The following TMEM187 variants were observed in gnomAD, a reference collection of about 807,000 sequenced individuals.
TMEM187 encodes transmembrane protein 187, also known as chromosome X open reading frame 12.
TMEM187 carries 14 observed loss-of-function variants against 11.8 expected under a neutral mutation model. The ratio of observed to expected loss-of-function variants is 1.18; its 90% CI spans 0.78 to 1.85. The LOEUF (loss-of-function observed/expected upper bound fraction) is 1.85, where lower values mean the gene tolerates loss of function less well. TMEM187 is among the 40% of genes most tolerant of loss of function. TMEM187 has a pLI of 0.00. For synonymous variants in TMEM187, 112 were observed against 118.5 expected, an observed-to-expected ratio of 0.95 and a Z score of 0.36; for missense variants, 227 against 243.9, an observed-to-expected ratio of 0.93 and a Z score of 0.46.
At position 153,982,367 on chromosome X, in the gene TMEM187, TGCGCCTGTGGACGCAGTGGC is replaced by T; in HGVS notation, c.308_327del (p.Arg103ProfsTer37). ...CTGCTCTATGGCCCCGTGCAGTGGC[TGCGCCTGTGGACGCAGTGGC>T]GCCGTGCCGCGGTGCTGGACCAGTG... On this transcript the variant is annotated frameshift_variant, in exon 2 of 2. Coordinates refer to ENST00000369982, the MANE Select transcript of TMEM187 (RefSeq NM_003492.3). LOFTEE classifies it high-confidence loss of function. 8 of 1,204,111 alleles carry T rather than the reference TGCGCCTGTGGACGCAGTGGC, an allele frequency of 6.6e-6. No individual in the cohort carries two copies. Among genetic ancestry groups the T allele is most frequent in the Non-Finnish European group, 9.0e-6 (8 of 893,600 alleles).
At chrX:153,973,451 C>T (rs1481776212) in intron 1 of TMEM187, among the ~76,000 whole-genome samples, 1 of 112,386 alleles carries the variant, frequency 8.9e-6, no homozygotes, top group African/African-American at 3.2e-5. Flanking sequence ...AGGCCTGATG[C>T]GTTGGCTCAT....
chrX:153,982,183 G>T lies in TMEM187; in HGVS notation c.121G>T (p.Ala41Ser). 1 of 1,212,418 alleles carries T rather than the reference G, an allele frequency of 8.2e-7. No homozygotes were observed. Among genetic ancestry groups the T allele is most frequent in the Non-Finnish European group, 1.1e-6 (1 of 895,671 alleles). The change falls in exon 2 of 2, where the codon GCC becomes TCC. Residue 41 changes from alanine (A) to serine (S), a missense_variant. Physicochemically the swap from Ala to Ser is moderately conservative, Grantham distance 99. Transcript: ENST00000369982. ...VSVQVGYEHY[A>S]EAPVAGLPAF... ...CGTGCAAGTGGGCTATGAGCACTAC[G>T]CCGAGGCGCCCGTGGCCGGCCTCCC...
chrX:153,981,398 T>C (rs918590342), intron 1 of TMEM187, among the ~76,000 whole-genome samples: 3 of 111,642 alleles, frequency 2.7e-5, no homozygotes, highest in East Asian at 5.8e-4. Context: ...CCCCCTTGCC[T>C]CCCGGCCTGG....
In TMEM187 at chrX:153,982,602, C is replaced by T; in HGVS notation, c.540C>T (p.Arg180=). Residue 180 remains arginine, a synonymous_variant, in exon 2 of 2, where the codon CGC becomes CGT. Coordinates refer to ENST00000369982, the MANE Select transcript of TMEM187 (RefSeq NM_003492.3). ...TGGCCGCTGTGGGGCAGGCGCTGCG[C>T]ACCCACAGGCACTATGGCAGCACCA... The part of the protein sequence containing the change: ...HVVAAVGQAL[R]THRHYGSTTS... 2.5e-6 allele frequency: 3 copies of T among 1,211,727 alleles called. No individual in the cohort carries two copies. Among genetic ancestry groups the T allele is most frequent in the Middle Eastern group, 2.3e-4 (1 of 4,274 alleles).
At chrX:153,981,269 A>T (rs1183097446) in intron 1 of TMEM187, 7 of 113,594 alleles carry the variant, frequency 6.2e-5, no homozygotes, top group African/African-American at 2.3e-4. Flanking sequence ...TGGTTCTGTG[A>T]CTGAAGGAGA....
At chrX:153,973,590 G>A (rs2065564035) in intron 1 of TMEM187, among the ~76,000 whole-genome samples, 1 of 111,491 alleles carries the variant, frequency 9.0e-6, no homozygotes, top group Non-Finnish European at 1.9e-5. Flanking sequence ...CGCTGAGGTG[G>A]GAGGATGGCT....
intron 1 of TMEM187, among the ~76,000 whole-genome samples, chrX:153,974,137 G>A (rs2065568358): frequency 8.9e-6 from 1 of 111,874 alleles, no homozygotes; most frequent in Admixed American, 9.4e-5. Flanking sequence ...TGATTACATG[G>A]TCACTGTCAG....
At chrX:153,974,505 G>A (rs2065570442) in intron 1 of TMEM187, among the ~76,000 whole-genome samples, 1 of 112,593 alleles carries the variant, frequency 8.9e-6, no homozygotes, top group African/African-American at 3.2e-5. Flanking sequence ...TCACAGGGCT[G>A]GATGGGGATG....
rs782536962 is a variant in TMEM187, at chrX:153,982,844, G to A, written c.782G>A (p.Arg261His). 5 of 1,210,272 alleles carry A rather than the reference G, an allele frequency of 4.1e-6. No individual in the cohort carries two copies. The South Asian group carries it at 5.3e-5, about 13-fold the overall frequency. Residue 261 changes from arginine (R) to histidine (H), a missense_variant, in exon 2 of 2, where the codon CGT becomes CAT. By Grantham distance (29) the Arg-to-His change is conservative. Transcript: ENST00000369982. Reference sequence around the variant, plus strand: ...TTCCATCCCTCTGGCGGGAAGACGCGTTGAACCCAGGGAAGAACCTGCTGA... The same window carrying A: ...TTCCATCCCTCTGGCGGGAAGACGCATTGAACCCAGGGAAGAACCTGCTGA... ...PRFHPSGGKTR is the reference protein window; with the variant it reads ...PRFHPSGGKTH
At chrX:153,972,952 G>T (rs2065559074) in intron 1 of TMEM187, 92 bp downstream of exon 1, 1 of 120,227 alleles carries the variant, frequency 8.3e-6, no homozygotes, top group Non-Finnish European at 1.7e-5. Flanking sequence ...GGCGGCGGCG[G>T]CGGCGGCGGC....
Position 153,982,410 on chromosome X carries a change from G to C in TMEM187, c.348G>C (p.Gln116His). Residue 116 changes from glutamine (Q) to histidine (H), a missense_variant, in exon 2 of 2, where the codon CAG (glutamine) becomes CAC (histidine). Gln to His is a conservative substitution (Grantham distance 24). Coordinates refer to ENST00000369982, the MANE Select transcript of TMEM187 (RefSeq NM_003492.3). ...GGCGCCGTGCCGCGGTGCTGGACCA[G>C]TGGCTCACACTGCCCATCTTTGCAT... ...TQWRRAAVLDQWLTLPIFAWP... is the reference protein window; with the variant it reads ...TQWRRAAVLDHWLTLPIFAWP... 8.3e-7 allele frequency: 1 copy of C among 1,201,010 alleles called. No individual in the cohort carries two copies. Among genetic ancestry groups the C allele is most frequent in the Non-Finnish European group, 1.1e-6 (1 of 893,425 alleles).
intron 1 of TMEM187, among the ~76,000 whole-genome samples, chrX:153,974,192 A>G (rs1603300331): frequency 2.7e-5 from 3 of 112,132 alleles, no homozygotes; most frequent in African/African-American, 9.7e-5. Flanking sequence ...AGCCGGAAAG[A>G]GGAGTTGCTT....
At chrX:153,978,948 G>T (rs1406972255) in intron 1 of TMEM187, among the ~76,000 whole-genome samples, 1 of 111,281 alleles carries the variant, frequency 9.0e-6, no homozygotes, top group Non-Finnish European at 1.9e-5. Flanking sequence ...CACCACGCCT[G>T]GTTAATTTTT....
At position 153,973,512 on chromosome X, in the gene TMEM187, C is replaced by G. The variant is rs781856677; in HGVS notation, c.-214+652C>G. Among the ~76,000 whole-genome samples the G allele has an allele frequency of 1.2e-4, 13 of 112,153 alleles. No individual in the cohort carries two copies. In the East Asian group the frequency reaches 3.6e-3, roughly 31 times the overall value. ...GCTGAGGTGGGAGGATTGCTTGAGC[C>G]TAGCCGGGGCAACATAGCGAGACCC... is the stretch of plus-strand genomic sequence containing the variant. On this transcript the variant is annotated intron_variant, in intron 1 of 1. Transcript: ENST00000369982.
chrX:153,973,600 T>G (rs1468220325), intron 1 of TMEM187, among the ~76,000 whole-genome samples: 1 of 111,188 alleles, frequency 9.0e-6, no homozygotes, highest in African/African-American at 3.3e-5. Context: ...GGAGGATGGC[T>G]TGAGCCAGGG....
At chrX:153,979,852 T>C (rs1231759605) in intron 1 of TMEM187, among the ~76,000 whole-genome samples, 1 of 102,668 alleles carries the variant, frequency 9.7e-6, no homozygotes, top group East Asian at 3.4e-4. Flanking sequence ...TTCTCCTGCC[T>C]CAGCCTCCCG....
chrX:153,975,023 A>G (rs1202094915), intron 1 of TMEM187, among the ~76,000 whole-genome samples: 1 of 112,373 alleles, frequency 8.9e-6, no homozygotes, highest in Admixed American at 9.4e-5. Context: ...CATCTGAGGA[A>G]GAGCAAGGAA....
At chrX:153,979,120 T>A (rs1170965612) in intron 1 of TMEM187, among the ~76,000 whole-genome samples, 2 of 111,271 alleles carry the variant, frequency 1.8e-5, no homozygotes, top group African/African-American at 6.5e-5. Context: ...GAGACGGGGT[T>A]TCACCACATT....
chrX:153,976,484 T>C (rs1569547183), intron 1 of TMEM187, among the ~76,000 whole-genome samples: 1 of 111,760 alleles, frequency 8.9e-6, no homozygotes, highest in Non-Finnish European at 1.9e-5. Context: ...TGAGCCGAGA[T>C]TGTGCCACTG....
Sources: allele counts gnomAD v4.1 joint callset (sites outside exome capture counted in the v4.1 genomes callset), GRCh38; gene constraint gnomAD v4.1.1; transcripts MANE v1.5; gene names NCBI Gene and HGNC (gene_info 2026-07-23, HGNC 2026-07-21).